Variants in RIN2 observed in about 807,000 individuals in gnomAD.
RIN2 encodes the protein RAB5 interacting protein 2.
A neutral mutation model predicts 78.0 loss-of-function variants in RIN2; 36 were observed. That is an observed-to-expected ratio of 0.46 (90% CI 0.35 to 0.61). The LOEUF is 0.61. RIN2 is among the 20% of genes least tolerant of loss of function. The pLI is 0.00. For missense variants in RIN2, 1,087 were observed against 1,159.7 expected (o/e 0.94, Z 0.91); for synonymous variants, 466 against 466.8 (o/e 1.00, Z 0.02).
chr20:19,805,643 C>T (rs1192657780), intron 2 of RIN2, among the ~76,000 whole-genome samples: 1 of 152,118 alleles, frequency 6.6e-6, no homozygotes, highest in African/African-American at 2.4e-5. Flanking sequence ...CTCAGATGAT[C>T]TGCCCGCCTT....
intron 2 of RIN2, among the ~76,000 whole-genome samples, chr20:19,875,692 G>A (rs913945064): frequency 6.6e-6 from 1 of 152,086 alleles, no homozygotes; most frequent in African/African-American, 2.4e-5. Flanking sequence ...GTGCAGGCCT[G>A]CAGGATGGAA....
chr20:19,975,124 T>G lies in RIN2; in HGVS notation c.1099T>G (p.Phe367Val), dbSNP rs372731706. 6.2e-7 allele frequency: 1 copy of G among 1,613,366 alleles called. No homozygotes were observed. The highest frequency in any genetic ancestry group is 8.5e-7 in the Non-Finnish European group (1 of 1,179,880). Reference protein sequence around the residue: ...PPPRLKKQASFLEAEGGAKTL... With the variant: ...PPPRLKKQASVLEAEGGAKTL... ...ACCCCGGCTGAAGAAGCAGGCTTCT[T>G]TTCTGGAAGCAGAGGGCGGTGCAAA... The change falls in exon 9 of 13, where the codon TTT (phenylalanine) becomes GTT (valine). Residue 367 changes from phenylalanine (F) to valine (V), a missense_variant. Coordinates refer to ENST00000255006, the MANE Select transcript of RIN2 (RefSeq NM_018993.4). The surrounding 1 kb of genome is among the most constrained non-coding windows in gnomAD (Gnocchi z 4.9).
intron 1 of RIN2, among the ~76,000 whole-genome samples, chr20:19,772,783 T>C (rs1274817913): frequency 6.6e-6 from 1 of 152,142 alleles, no homozygotes; most frequent in East Asian, 1.9e-4. Flanking sequence ...CCCCAAATTA[T>C]AGAAACTGAG....
intron 2 of RIN2, among the ~76,000 whole-genome samples, chr20:19,807,695 A>G (rs1295509154): frequency 6.6e-6 from 1 of 152,230 alleles, no homozygotes; most frequent in Non-Finnish European, 1.5e-5. Context: ...AAATAAAAGC[A>G]GCAAGTAGAA....
In RIN2 at chr20:19,844,656, T is replaced by TC. The variant is rs748440873; in HGVS notation, c.-36-44909dup. On this transcript the variant is annotated intron_variant, in intron 2 of 12. Coordinates refer to ENST00000255006, the MANE Select transcript of RIN2 (RefSeq NM_018993.4). ...TTCTTCTTCTTCTTCTTCTTCTTCT[T>TC]CTTCTTCTTCTTCCTTCTTCTTCTT... Among the ~76,000 whole-genome samples, 169 of 138,924 alleles carry TC rather than the reference T, an allele frequency of 1.2e-3. 1 individual carries two copies. The highest frequency in any genetic ancestry group is 4.4e-3 in the African/African-American group (159 of 35,838). 91.1% of individuals were successfully genotyped at this position (138,924 alleles called of 152,430 possible). A position where few individuals can be genotyped will look rare whatever the true frequency, so the allele number is the denominator to read the frequency against.
At chr20:19,874,580 T>A (rs2037797829) in intron 2 of RIN2, among the ~76,000 whole-genome samples, 1 of 152,142 alleles carries the variant, frequency 6.6e-6, no homozygotes, top group Non-Finnish European at 1.5e-5. Context: ...TGCCTTCTCT[T>A]CCCTGACTCC....
At chr20:19,990,355 G>C (rs765284450) in intron 10 of RIN2, 44 bp downstream of exon 10, 5 of 1,559,944 alleles carry the variant, frequency 3.2e-6, no homozygotes, top group Non-Finnish European at 4.4e-6. Flanking sequence ...TTCCCTTCCG[G>C]GCCGGGGACA....
intron 2 of RIN2, chr20:19,889,344 C>A: frequency 8.1e-7 from 1 of 1,240,078 alleles, no homozygotes; most frequent in South Asian, 2.9e-5. Flanking sequence ...ACGTCAGTGG[C>A]AGAGGTGGGA....
At chr20:19,773,297 T>A (rs984388550) in intron 1 of RIN2, among the ~76,000 whole-genome samples, 1 of 152,182 alleles carries the variant, frequency 6.6e-6, no homozygotes, top group East Asian at 1.9e-4. Context: ...TAAGGTAATA[T>A]CCAATGCTAG....
intron 3 of RIN2, among the ~76,000 whole-genome samples, chr20:19,912,871 C>T (rs62200430): frequency 0.035 from 5,323 of 152,264 alleles, 157 homozygotes; most frequent in Middle Eastern, 0.068. Flanking sequence ...TGGAAAACCC[C>T]GGGGTGTGGG....
chr20:19,878,490 C>T (rs1041463420), intron 2 of RIN2, among the ~76,000 whole-genome samples: 2 of 152,130 alleles, frequency 1.3e-5, no homozygotes, highest in African/African-American at 4.8e-5. Flanking sequence ...ACAGACGAGT[C>T]TGAGAATTTT....
intron 2 of RIN2, among the ~76,000 whole-genome samples, chr20:19,851,094 A>T (rs77373688): frequency 6.6e-6 from 1 of 151,894 alleles, no homozygotes. Context: ...GGTAGGAAGG[A>T]AGGAAAGAGA....
At chr20:19,881,097 T>C (rs1900866803) in intron 2 of RIN2, among the ~76,000 whole-genome samples, 1 of 152,206 alleles carries the variant, frequency 6.6e-6, no homozygotes, top group African/African-American at 2.4e-5. Context: ...GTATGAAGAA[T>C]CAAATAAAAG....
intron 11 of RIN2, among the ~76,000 whole-genome samples, chr20:19,994,239 G>T (rs1304466035): frequency 6.6e-6 from 1 of 152,224 alleles, no homozygotes; most frequent in African/African-American, 2.4e-5. Flanking sequence ...GGCCCAGTTG[G>T]GTTGGCTGTG....
At chr20:19,854,050 T>G (rs911054340) in intron 2 of RIN2, among the ~76,000 whole-genome samples, 9 of 152,200 alleles carry the variant, frequency 5.9e-5, no homozygotes, top group African/African-American at 1.9e-4. Context: ...TTGAATTAAT[T>G]TTTGTATAAG....
At chr20:19,922,908 C>T (rs916722509) in intron 3 of RIN2, among the ~76,000 whole-genome samples, 1 of 152,218 alleles carries the variant, frequency 6.6e-6, no homozygotes, top group Non-Finnish European at 1.5e-5. Context: ...GCCCTCCCCC[C>T]ACCAGCACAC....
chr20:19,910,752 G>A (rs2039429275), intron 3 of RIN2, among the ~76,000 whole-genome samples: 1 of 151,532 alleles, frequency 6.6e-6, no homozygotes, highest in Non-Finnish European at 1.5e-5. Flanking sequence ...ATTTTTAATA[G>A]AGACAGAGTT....
intron 3 of RIN2, among the ~76,000 whole-genome samples, chr20:19,915,465 T>G (rs2039645764): frequency 6.6e-6 from 1 of 152,124 alleles, no homozygotes; most frequent in Non-Finnish European, 1.5e-5. Context: ...GACTTCCAGG[T>G]GCCTGCAGTA....
At chr20:19,835,517 G>A (rs6035453) in intron 2 of RIN2, among the ~76,000 whole-genome samples, 5,952 of 152,170 alleles carry the variant, frequency 0.039, 246 homozygotes, top group African/African-American at 0.11. Flanking sequence ...TATAAAAGGA[G>A]TAAACCGAAT....
Sources: gnomAD v4.1 joint callset for allele counts (sites outside exome capture counted in the v4.1 genomes callset) on GRCh38, gnomAD v4.1.1 for gene constraint, Gnocchi (gnomAD v3.1) non-coding constraint, MANE v1.5 for transcripts, NCBI Gene and HGNC (gene_info 2026-07-23, HGNC 2026-07-21) for gene names.